The following CRAMP1 variants were observed in gnomAD, a reference collection of about 807,000 sequenced individuals.
CRAMP1 encodes the protein protein cramped-like.
CRAMP1 carries 50 observed loss-of-function variants against 115.4 expected under a neutral mutation model. That is an observed-to-expected ratio of 0.43 (90% CI 0.35 to 0.55). The LOEUF (loss-of-function observed/expected upper bound fraction) is 0.55. Ranked by LOEUF, CRAMP1 falls within the 20% of genes least tolerant of loss-of-function variation. CRAMP1 has a pLI of 0.01. For synonymous variants in CRAMP1, 866 were observed against 745.4 expected (o/e 1.16, Z -2.64); for missense variants, 1,679 against 1,721.7 (o/e 0.98, Z 0.44).
chr16:1,648,785 G>A (rs773893421), intron 6 of CRAMP1, among the ~76,000 whole-genome samples: 3 of 150,896 alleles, frequency 2.0e-5, no homozygotes, highest in Non-Finnish European at 3.0e-5. Flanking sequence ...CAGGCCGGGC[G>A]CGGTGGCTCA....
At chr16:1,660,202 A>G (rs1349184682) in intron 11 of CRAMP1, 139 bp downstream of exon 11, 1 of 694,650 alleles carries the variant, frequency 1.4e-6, no homozygotes, top group Non-Finnish European at 2.3e-6. Flanking sequence ...TCCAGATGAC[A>G]GGGTGAAGGT....
rs557536348 is a variant in CRAMP1 at position 1,669,224 on chromosome 16, C to T, written c.3499+59C>T. The T allele has an allele frequency of 4.4e-5, 59 of 1,326,530 alleles. No homozygotes were observed. Among genetic ancestry groups the T allele is most frequent in the Non-Finnish European group, 5.5e-5 (54 of 981,066 alleles). 82.2% of individuals were successfully genotyped at this position (1,326,530 alleles called of 1,614,324 possible). ...CCAGGGCAGCAGGGGCTGGGGTCTG[C>T]GGGACACTGGATTCTCATTCTACTC... On this transcript the variant is annotated intron_variant, in intron 19 of 20. Transcript: ENST00000397412. This position sits in a 1 kb window ranked among gnomAD's most constrained non-coding sequence, Gnocchi z 4.6.
At chr16:1,624,942 G>T (rs2036496831) in intron 2 of CRAMP1, among the ~76,000 whole-genome samples, 1 of 151,796 alleles carries the variant, frequency 6.6e-6, no homozygotes, top group Non-Finnish European at 1.5e-5. Flanking sequence ...GCGCATGCTG[G>T]TCTCGAACTT....
At chr16:1,641,630 C>T (rs915747116) in intron 6 of CRAMP1, among the ~76,000 whole-genome samples, 19 of 152,206 alleles carry the variant, frequency 1.2e-4, no homozygotes, top group Admixed American at 6.5e-4. Flanking sequence ...TCCAACTGGC[C>T]GCTCTCCTCC....
At chr16:1,612,736 G>C (rs1245524972) in intron 1 of CRAMP1, among the ~76,000 whole-genome samples, 79 bp downstream of exon 1, 4 of 152,154 alleles carry the variant, frequency 2.6e-5, no homozygotes, top group Non-Finnish European at 4.4e-5. Flanking sequence ...GAGAGCGCGG[G>C]GGGGGCGTCG....
At chr16:1,638,100 GCT>G (rs1287227741) in intron 5 of CRAMP1, among the ~76,000 whole-genome samples, 193 bp downstream of exon 5, 3 of 152,122 alleles carry the variant, frequency 2.0e-5, no homozygotes, top group Non-Finnish European at 2.9e-5. Context: ...GGCTACATTT[GCT>G]CTCTTTCTCC....
At chr16:1,644,826 C>T (rs549056796) in intron 6 of CRAMP1, among the ~76,000 whole-genome samples, 3 of 152,166 alleles carry the variant, frequency 2.0e-5, no homozygotes, top group African/African-American at 7.2e-5. Context: ...GATGGGGACG[C>T]TGTTGGAGGT....
At chr16:1,626,789 C>T (rs538776404) in intron 3 of CRAMP1, among the ~76,000 whole-genome samples, 1 of 152,222 alleles carries the variant, frequency 6.6e-6, no homozygotes, top group South Asian at 2.1e-4. Context: ...TTTCATAGCT[C>T]TTTTGCTCTG....
intron 2 of CRAMP1, among the ~76,000 whole-genome samples, chr16:1,623,038 A>G (rs1330830058): frequency 6.6e-6 from 1 of 152,040 alleles, no homozygotes; most frequent in Non-Finnish European, 1.5e-5. Flanking sequence ...CTGTGATTAC[A>G]GGCGCCCACC....
rs1210552012 is a variant in CRAMP1 at position 1,666,024 on chromosome 16, G to A, written c.2753-49G>A. On this transcript the variant is annotated intron_variant, in intron 14 of 20. Transcript: ENST00000397412. The surrounding 1 kb of genome is among the most constrained non-coding windows in gnomAD (Gnocchi z 5.0). The stretch of plus-strand genomic sequence containing the variant: ...CCCTGCGGCCACATCCTGCTGTGAG[G>A]GCATGGCGGGCGGGCTCGACATGTC... The A allele has an allele frequency of 7.9e-7, 1 of 1,268,062 alleles. No homozygotes were observed. Among genetic ancestry groups the A allele is most frequent in the African/African-American group, 1.5e-5 (1 of 67,400 alleles). 78.6% of individuals were successfully genotyped at this position (1,268,062 alleles called of 1,614,324 possible). A position where few individuals can be genotyped will look rare whatever the true frequency, so the allele number is the denominator to read the frequency against.
At chr16:1,652,441 TC>T in intron 6 of CRAMP1, 54 bp from the exon 7 acceptor site, 1 of 1,482,340 alleles carries the variant, frequency 6.7e-7, no homozygotes, top group Non-Finnish European at 9.2e-7. Context: ...TGCTGGCCCT[TC>T]CGTCCTTCTG....
intron 5 of CRAMP1, among the ~76,000 whole-genome samples, chr16:1,638,415 T>C (rs1163687228): frequency 6.6e-6 from 1 of 152,184 alleles, no homozygotes; most frequent in Non-Finnish European, 1.5e-5. Context: ...TTGGGTGTCT[T>C]TGACTTAGAG....
At chr16:1,647,635 G>A (rs1030780927) in intron 6 of CRAMP1, among the ~76,000 whole-genome samples, 12 of 151,936 alleles carry the variant, frequency 7.9e-5, no homozygotes, top group Middle Eastern at 3.4e-3. Flanking sequence ...CCACCTACTC[G>A]GGAGGCTGGG....
intron 3 of CRAMP1, among the ~76,000 whole-genome samples, chr16:1,628,693 C>T (rs1384817049): frequency 6.6e-6 from 1 of 152,238 alleles, no homozygotes; most frequent in Non-Finnish European, 1.5e-5. Flanking sequence ...TGGGCACAGG[C>T]CTCTGCTCTG....
At chr16:1,641,373 T>C (rs2094771103) in intron 6 of CRAMP1, among the ~76,000 whole-genome samples, 186 bp downstream of exon 6, 2 of 152,174 alleles carry the variant, frequency 1.3e-5, no homozygotes, top group South Asian at 2.1e-4. Flanking sequence ...CCAGAGCCTG[T>C]GCCTGCCCCG....
chr16:1,654,475 GT>G (rs937990581), intron 8 of CRAMP1, among the ~76,000 whole-genome samples: 1 of 152,214 alleles, frequency 6.6e-6, no homozygotes, highest in African/African-American at 2.4e-5. Context: ...GCCTCCCAAA[GT>G]GTTGGGATTC....
intron 2 of CRAMP1, among the ~76,000 whole-genome samples, chr16:1,621,591 G>T (rs561293753): frequency 6.6e-6 from 1 of 152,174 alleles, no homozygotes; most frequent in East Asian, 1.9e-4. Context: ...TGGGGCTGCC[G>T]AGGGGCAGAG....
chr16:1,648,604 CAAAA>C (rs1006289902), intron 6 of CRAMP1, among the ~76,000 whole-genome samples: 1 of 108,378 alleles, frequency 9.2e-6, no homozygotes. Context: ...GACTCTGTCT[CAAAA>C]AAAAAAAAAA....
chr16:1,642,917 G>A (rs903733464), intron 6 of CRAMP1, among the ~76,000 whole-genome samples: 8 of 152,244 alleles, frequency 5.3e-5, no homozygotes, highest in African/African-American at 1.9e-4. Flanking sequence ...CCCAGCGGGG[G>A]CGTGGTGGGC....
Sources: allele counts gnomAD v4.1 joint callset (sites outside exome capture counted in the v4.1 genomes callset), GRCh38; gene constraint gnomAD v4.1.1; non-coding constraint Gnocchi (gnomAD v3.1); transcripts MANE v1.5; gene names NCBI Gene and HGNC (gene_info 2026-07-23, HGNC 2026-07-21).